OCA2: variants seen among roughly 807,000 people sequenced by gnomAD.
OCA2 encodes OCA2 melanosomal transmembrane protein.
In OCA2, 77 loss-of-function variants were observed where a neutral mutation model predicts 100.2. The observed-to-expected ratio is 0.77, with a 90% CI of 0.64 to 0.93. The LOEUF is 0.93. Among genes scored for constraint, OCA2 ranks in the 40% least tolerant of loss-of-function variants. OCA2 has a pLI of 0.00. For missense variants in OCA2, 1,062 were observed against 1,089.1 expected, an observed-to-expected ratio of 0.98 and a Z score of 0.35; for synonymous variants, 432 against 439.2, an observed-to-expected ratio of 0.98 and a Z score of 0.21.
At chr15:28,020,337 T>C (rs887170403) in intron 6 of OCA2, among the ~76,000 whole-genome samples, 1 of 152,204 alleles carries the variant, frequency 6.6e-6, no homozygotes, top group African/African-American at 2.4e-5. Context: ...TAAGCTGCTG[T>C]GCTCGCCTGG....
intron 23 of OCA2, among the ~76,000 whole-genome samples, chr15:27,829,605 G>T (rs1461600078): frequency 6.6e-6 from 1 of 152,224 alleles, no homozygotes; most frequent in Admixed American, 6.5e-5. Context: ...TCCAGGAGTA[G>T]GATGGGAGGT....
intron 14 of OCA2, among the ~76,000 whole-genome samples, chr15:27,975,846 T>C (rs1352202307): frequency 3.3e-5 from 5 of 152,204 alleles, no homozygotes; most frequent in Middle Eastern, 3.2e-3. Flanking sequence ...TGATGGGGAT[T>C]GCTTGAATTT....
At chr15:28,020,355 A>G (rs963199591) in intron 6 of OCA2, among the ~76,000 whole-genome samples, 2 of 152,134 alleles carry the variant, frequency 1.3e-5, no homozygotes, top group Non-Finnish European at 2.9e-5. Flanking sequence ...TGGGATCTCT[A>G]CTGACTGATC....
At chr15:27,925,125 A>G (rs2038998102) in intron 19 of OCA2, among the ~76,000 whole-genome samples, 1 of 152,308 alleles carries the variant, frequency 6.6e-6, no homozygotes, top group African/African-American at 2.4e-5. Flanking sequence ...AAAATACCCA[A>G]TCCAACAAAA....
chr15:27,918,928 C>T (rs2038765334), intron 19 of OCA2, among the ~76,000 whole-genome samples: 1 of 151,984 alleles, frequency 6.6e-6, no homozygotes, highest in African/African-American at 2.4e-5. Flanking sequence ...AGTTTGGTTC[C>T]CCTAATTGCC....
chr15:27,833,915 G>A (rs2035053728), intron 23 of OCA2, among the ~76,000 whole-genome samples: 1 of 152,156 alleles, frequency 6.6e-6, no homozygotes, highest in Admixed American at 6.5e-5. Flanking sequence ...GGCACCTCGA[G>A]GGCCCTTTGA....
In OCA2 at chr15:27,955,173, T is replaced by C; in HGVS notation, c.1827A>G (p.Gln609=). ...AGCTGGGTACCTTTTTTTGGAGTTC[T>C]TGGATATTGGTCTCCCAATTTTTGT... is the stretch of plus-strand genomic sequence containing the variant. The part of the protein sequence containing the change: ...QEDKNWETNI[Q]ELQKKHRISD... Residue 609 remains glutamine, a synonymous_variant, in exon 17 of 24, where the codon CAA becomes CAG. Transcript: ENST00000354638. 1 of 1,612,130 alleles carries C rather than the reference T, an allele frequency of 6.2e-7. No homozygotes were observed. The highest frequency in any genetic ancestry group is 8.5e-7 in the Non-Finnish European group (1 of 1,178,110).
intron 4 of OCA2, among the ~76,000 whole-genome samples, chr15:28,027,445 T>TGGAGCCCACAGCACAGAAGG: frequency 2.0e-5 from 3 of 152,354 alleles, no homozygotes; most frequent in Admixed American, 2.0e-4. Flanking sequence ...ACAAGGTTTC[T>TGGAGCCCACAGCACAGAAGG]GGAGCCCACA....
intron 19 of OCA2, among the ~76,000 whole-genome samples, chr15:27,917,539 T>C (rs1003401778): frequency 1.3e-5 from 2 of 152,180 alleles, no homozygotes; most frequent in Non-Finnish European, 2.9e-5. Context: ...AGTGCTCTCA[T>C]GGTCCTGTGA....
intron 22 of OCA2, among the ~76,000 whole-genome samples, chr15:27,846,491 G>A (rs970970377): frequency 1.3e-5 from 2 of 152,154 alleles, no homozygotes; most frequent in Non-Finnish European, 2.9e-5. Context: ...AGCAACTTGC[G>A]TGAGTGCTGA....
At chr15:27,937,657 G>A (rs545815159) in intron 18 of OCA2, among the ~76,000 whole-genome samples, 2 of 152,260 alleles carry the variant, frequency 1.3e-5, no homozygotes, top group East Asian at 3.9e-4. Flanking sequence ...GACTTACAAG[G>A]TTGAACACCT....
intron 1 of OCA2, among the ~76,000 whole-genome samples, chr15:28,090,354 A>G (rs988864670): frequency 1.3e-5 from 2 of 152,226 alleles, no homozygotes; most frequent in East Asian, 3.8e-4. Flanking sequence ...CCAATAGAAT[A>G]TAATCAATAT....
chr15:28,069,297 G>T (rs2044121051), intron 2 of OCA2, among the ~76,000 whole-genome samples: 1 of 148,410 alleles, frequency 6.7e-6, no homozygotes, highest in Admixed American at 6.8e-5. Context: ...AGTCCAAATG[G>T]GAGTGAAATG....
At chr15:27,741,294 T>C in the OCA2 span, among the ~76,000 whole-genome samples, 1 of 152,226 alleles carries the variant, frequency 6.6e-6, no homozygotes, top group Admixed American at 6.5e-5. Flanking sequence ...AGAGACTGTA[T>C]CCAAAAGGAA....
intron 23 of OCA2, among the ~76,000 whole-genome samples, chr15:27,842,727 T>A (rs2035386214): frequency 6.6e-6 from 1 of 152,208 alleles, no homozygotes; most frequent in Non-Finnish European, 1.5e-5. Context: ...AGGCTGGGAC[T>A]AATGAGCTTT....
In OCA2 at chr15:27,821,322, G is replaced by T. The variant is rs542881972; in HGVS notation, c.2432+23637C>A. On this transcript the variant is annotated intron_variant, in intron 23 of 23. Coordinates refer to ENST00000354638, the MANE Select transcript of OCA2 (RefSeq NM_000275.3). Reference sequence around the variant, plus strand: ...TTAATTCAGGCAAGTACTTGTATAAGACAAAAGAGAAATTTCACTGACAAT... The same window carrying T: ...TTAATTCAGGCAAGTACTTGTATAATACAAAAGAGAAATTTCACTGACAAT... 1.1e-4 allele frequency among the ~76,000 whole-genome samples: 17 copies of T among 152,130 alleles called. No individual in the cohort carries two copies. The South Asian group carries it at 3.5e-3, about 32-fold the overall frequency.
At chr15:27,764,037 G>A (rs1176673168) in intron 23 of OCA2, among the ~76,000 whole-genome samples, 1 of 151,850 alleles carries the variant, frequency 6.6e-6, no homozygotes, top group African/African-American at 2.4e-5. Context: ...GAGAGAGGTA[G>A]GAGGGAAGGG....
intron 18 of OCA2, among the ~76,000 whole-genome samples, chr15:27,942,466 A>C (rs2039682656): frequency 6.6e-6 from 1 of 151,960 alleles, no homozygotes; most frequent in African/African-American, 2.4e-5. Flanking sequence ...CAGGAACAGA[A>C]AGTAGGATTA....
chr15:27,864,881 G>C, intron 21 of OCA2, among the ~76,000 whole-genome samples: 1 of 152,026 alleles, frequency 6.6e-6, no homozygotes, highest in East Asian at 2.0e-4. Context: ...GGTCTTTAGG[G>C]CCATGCAATG....
Sources: gnomAD v4.1 joint callset for allele counts (sites outside exome capture counted in the v4.1 genomes callset) on GRCh38, gnomAD v4.1.1 for gene constraint, MANE v1.5 for transcripts, NCBI Gene and HGNC (gene_info 2026-07-23, HGNC 2026-07-21) for gene names.